STK32B: variants seen among roughly 807,000 people sequenced by gnomAD.
The protein encoded by STK32B is serine/threonine-protein kinase 32B.
STK32B carries 43 observed loss-of-function variants against 52.6 expected under a neutral mutation model. That is an observed-to-expected ratio of 0.82 (90% CI 0.64 to 1.05). The LOEUF is 1.05. Among genes scored for constraint, STK32B ranks in the 50% least tolerant of loss-of-function variants. STK32B has a pLI of 0.00. For synonymous variants in STK32B, 238 were observed against 204.3 expected, an observed-to-expected ratio of 1.17 and a Z score of -1.41; for missense variants, 621 against 534.6, an observed-to-expected ratio of 1.16 and a Z score of -1.59.
intron 6 of STK32B, among the ~76,000 whole-genome samples, chr4:5,441,380 A>T (rs1714733430): frequency 6.6e-6 from 1 of 150,608 alleles, no homozygotes; most frequent in African/African-American, 2.4e-5. Flanking sequence ...TAGATTTTCT[A>T]GTTTATTTGC....
chr4:5,160,954 G>C (rs868320318), intron 2 of STK32B, among the ~76,000 whole-genome samples: 1 of 152,216 alleles, frequency 6.6e-6, no homozygotes, highest in African/African-American at 2.4e-5. Flanking sequence ...CCTGAGAACA[G>C]CATGGCAGGT....
At chr4:5,189,661 G>T (rs1450134939) in intron 3 of STK32B, among the ~76,000 whole-genome samples, 2 of 152,114 alleles carry the variant, frequency 1.3e-5, no homozygotes, top group African/African-American at 4.8e-5. Flanking sequence ...CAACTCCTTT[G>T]CATAAATACT....
chr4:5,189,429 T>C (rs1721010215), intron 3 of STK32B, among the ~76,000 whole-genome samples: 1 of 152,218 alleles, frequency 6.6e-6, no homozygotes, highest in Non-Finnish European at 1.5e-5. Context: ...TCAGATTGGC[T>C]TCTTTCACTT....
At chr4:5,047,251 C>T (rs762079763), upstream of STK32B, among the ~76,000 whole-genome samples, 2 of 151,896 alleles carry the variant, frequency 1.3e-5, no homozygotes, top group Non-Finnish European at 2.9e-5. Context: ...GAAAACTAAA[C>T]ACCACATGTT....
rs1048295636 is a variant in STK32B, at chr4:5,378,278, A to T, written c.435-19929A>T. Among the ~76,000 whole-genome samples, 3 of 152,194 alleles carry T rather than the reference A, an allele frequency of 2.0e-5. No individual in the cohort carries two copies. Among genetic ancestry groups the T allele is most frequent in the African/African-American group, 7.2e-5 (3 of 41,456 alleles). On this transcript the variant is annotated intron_variant, in intron 4 of 11. Coordinates refer to ENST00000282908, the MANE Select transcript of STK32B (RefSeq NM_018401.3). This position sits in a 1 kb window ranked among gnomAD's most constrained non-coding sequence, Gnocchi z 4.4. ...AGGAGGGAACTGATGAGCGGGGACA[A>T]GGATGACAGTCCATGGTAACGGTTT...
At chr4:5,259,193 A>G (rs919018122) in intron 3 of STK32B, among the ~76,000 whole-genome samples, 1 of 152,196 alleles carries the variant, frequency 6.6e-6, no homozygotes, top group Non-Finnish European at 1.5e-5. Flanking sequence ...AAGAATCAAC[A>G]TTATATATTT....
chr4:5,059,557 A>G (rs1321925498), intron 1 of STK32B, among the ~76,000 whole-genome samples: 2 of 152,182 alleles, frequency 1.3e-5, no homozygotes, highest in Admixed American at 6.5e-5. Context: ...TGGGGTAAAC[A>G]CCACTTCATC....
Position 5,240,714 on chromosome 4 carries a change from C to T in STK32B, c.260+72264C>T, listed in dbSNP as rs577733395. Among the ~76,000 whole-genome samples, 6 of 152,324 alleles carry T rather than the reference C, an allele frequency of 3.9e-5. No individual in the cohort carries two copies. In the South Asian group the frequency reaches 1.2e-3, roughly 32 times the overall value. ...ACCTCGGGTGATCCAGCCACCTCAG[C>T]CTCCCAAAATGCTGGGATTACAGGA... On this transcript the variant is annotated intron_variant, in intron 3 of 11. Transcript: ENST00000282908.
intron 11 of STK32B, among the ~76,000 whole-genome samples, chr4:5,493,003 G>A (rs752978500): frequency 5.3e-5 from 8 of 151,298 alleles, no homozygotes; most frequent in Non-Finnish European, 1.2e-4. Flanking sequence ...GAGGATTTTT[G>A]CATCAATGTT....
intron 1 of STK32B, among the ~76,000 whole-genome samples, chr4:5,095,126 G>A (rs997439461): frequency 6.6e-6 from 1 of 152,152 alleles, no homozygotes; most frequent in Non-Finnish European, 1.5e-5. Context: ...GGGAGGAGAG[G>A]GCTGTAGGAA....
intron 3 of STK32B, among the ~76,000 whole-genome samples, chr4:5,271,493 T>A (rs1327276297): frequency 6.6e-6 from 1 of 151,458 alleles, no homozygotes; most frequent in Non-Finnish European, 1.5e-5. Context: ...GCGGGCTCTT[T>A]TTTGGTTCCA....
At chr4:5,416,758 C>T (rs2301857) in intron 5 of STK32B, 87 bp from the exon 6 acceptor site, 142,302 of 1,050,392 alleles carry the variant, frequency 0.14, 11,515 homozygotes, top group East Asian at 0.37. Context: ...GTTTTCTTCA[C>T]GGTATCTCAC....
intron 3 of STK32B, among the ~76,000 whole-genome samples, chr4:5,259,197 T>C (rs866696914): frequency 1.4e-4 from 22 of 152,194 alleles, no homozygotes; most frequent in Admixed American, 2.6e-4. Context: ...ATCAACATTA[T>C]ATATTTATAT....
intron 3 of STK32B, among the ~76,000 whole-genome samples, chr4:5,211,429 C>G (rs4688919): frequency 6.6e-6 from 1 of 151,836 alleles, no homozygotes; most frequent in Non-Finnish European, 1.5e-5. Context: ...GTATCAGGAG[C>G]CCCCAGAGGT....
At chr4:5,174,594 G>GAAA (rs1366192262) in intron 3 of STK32B, among the ~76,000 whole-genome samples, 1 of 152,172 alleles carries the variant, frequency 6.6e-6, no homozygotes, top group Non-Finnish European at 1.5e-5. Flanking sequence ...ATTCTGGGTT[G>GAAA]AAAATTCTTT....
At chr4:5,121,613 T>G (rs938747430) in intron 1 of STK32B, among the ~76,000 whole-genome samples, 8 of 152,202 alleles carry the variant, frequency 5.3e-5, no homozygotes, top group Non-Finnish European at 8.8e-5. Flanking sequence ...GCATAATTTG[T>G]TGAGCAGGTT....
At chr4:5,444,221 GA>G (rs1715126032) in intron 6 of STK32B, among the ~76,000 whole-genome samples, 1 of 152,192 alleles carries the variant, frequency 6.6e-6, no homozygotes, top group African/African-American at 2.4e-5. Flanking sequence ...CTTGCAGTTT[GA>G]TCTCAGACTG....
intron 1 of STK32B, among the ~76,000 whole-genome samples, chr4:5,117,020 T>C (rs1402975558): frequency 6.6e-6 from 1 of 152,266 alleles, no homozygotes; most frequent in Non-Finnish European, 1.5e-5. Context: ...CGGAATTCAT[T>C]TGTTAGTTTT....
chr4:5,220,637 G>A (rs1028495074), intron 3 of STK32B, among the ~76,000 whole-genome samples: 1 of 152,196 alleles, frequency 6.6e-6, no homozygotes, highest in Non-Finnish European at 1.5e-5. Flanking sequence ...CCTTGTATGT[G>A]AGCCTTAGGA....
Sources: gnomAD v4.1 joint callset for allele counts (sites outside exome capture counted in the v4.1 genomes callset) on GRCh38, gnomAD v4.1.1 for gene constraint, Gnocchi (gnomAD v3.1) non-coding constraint, MANE v1.5 for transcripts, NCBI Gene and HGNC (gene_info 2026-07-23, HGNC 2026-07-21) for gene names.